GREM2: variants seen among roughly 807,000 people sequenced by gnomAD.
GREM2 encodes gremlin-2.
A neutral mutation model predicts 14.2 loss-of-function variants in GREM2; 11 were observed. That is an observed-to-expected ratio of 0.78 (90% confidence interval 0.49 to 1.28). The LOEUF (loss-of-function observed/expected upper bound fraction) is 1.28, where lower values mean the gene tolerates loss of function less well. Ranked by LOEUF, GREM2 falls within the 50% of genes most tolerant of loss-of-function variation. The pLI, the probability that GREM2 is intolerant of heterozygous loss-of-function variation, is 0.00. For synonymous variants in GREM2, 98 were observed against 97.6 expected (o/e 1.00, Z -0.02); for missense variants, 210 against 218.5 (o/e 0.96, Z 0.24).
chr1:240,545,030 C>T (rs1412802152), intron 1 of GREM2, among the ~76,000 whole-genome samples: 1 of 152,198 alleles, frequency 6.6e-6, no homozygotes, highest in Non-Finnish European at 1.5e-5. Context: ...AATCTTTGGG[C>T]TCCTCAAAAT....
chr1:240,591,027 T>A lies in GREM2; in HGVS notation c.-2+20857A>T, dbSNP rs141165336. On this transcript the variant is annotated intron_variant, in intron 1 of 1. Coordinates refer to ENST00000318160, the MANE Select transcript of GREM2 (RefSeq NM_022469.4). ...AAATGCCTGACCTCATGATCTGCCC[T>A]CCTTGGCCTCCCGAAGTGCTGGGAT... Among the ~76,000 whole-genome samples the A allele has an allele frequency of 4.5e-3, 665 of 149,358 alleles. 5 individuals are homozygous for A. Among genetic ancestry groups the A allele is most frequent in the African/African-American group, 0.016 (641 of 40,574 alleles).
chr1:240,550,368 A>G (rs1405257764), intron 1 of GREM2: 1 of 152,074 alleles, frequency 6.6e-6, no homozygotes, highest in Non-Finnish European at 1.5e-5. Context: ...GAAACCCCCA[A>G]TTAACTCAGG....
At chr1:240,571,487 A>C (rs1679260002) in intron 1 of GREM2, among the ~76,000 whole-genome samples, 1 of 152,130 alleles carries the variant, frequency 6.6e-6, no homozygotes, top group Admixed American at 6.5e-5. Flanking sequence ...TGAGGTCAGG[A>C]GTTCGAGACC....
Position 240,597,724 on chromosome 1 carries a change from G to T in GREM2, c.-2+14160C>A, listed in dbSNP as rs969607422. Among the ~76,000 whole-genome samples, 10 of 152,132 alleles carry T rather than the reference G, an allele frequency of 6.6e-5. 1 individual carries two copies. The South Asian group carries it at 2.1e-3, about 32-fold the overall frequency. ...ACAAATCAGAACTCTGATGAAATAGGACTAAAGTTCTAAGCGGATGGCTGA... is the reference window on the plus strand; with the variant it reads ...ACAAATCAGAACTCTGATGAAATAGTACTAAAGTTCTAAGCGGATGGCTGA... On this transcript the variant is annotated intron_variant, in intron 1 of 1. Coordinates refer to ENST00000318160, the MANE Select transcript of GREM2 (RefSeq NM_022469.4).
At chr1:240,551,630 TA>T (rs1467000898) in intron 1 of GREM2, among the ~76,000 whole-genome samples, 12 of 144,304 alleles carry the variant, frequency 8.3e-5, no homozygotes, top group African/African-American at 3.0e-4. Context: ...ATGCCTGGTC[TA>T]GTTTACTTTT....
At chr1:240,495,999 C>T (rs143958374) in intron 1 of GREM2, among the ~76,000 whole-genome samples, 8,813 of 151,784 alleles carry the variant, frequency 0.058, 605 homozygotes, top group African/African-American at 0.17. Context: ...TGCAGTGGCA[C>T]GATCTCAGCT....
At position 240,493,399 on chromosome 1, in the gene GREM2, G is replaced by A. The variant is rs771650196; in HGVS notation, c.77C>T (p.Pro26Leu). The change falls in exon 2 of 2, where the codon CCG (proline) becomes CTG (leucine). Residue 26 changes from proline (P) to leucine (L), a missense_variant. Physicochemically the swap from Pro to Leu is moderately conservative, Grantham distance 98. Coordinates refer to ENST00000318160, the MANE Select transcript of GREM2 (RefSeq NM_022469.4). ...VKVAEARKNR[P>L]AGAIPSPYKD... ...GTAAGGCGAGGGGATGGCGCCCGCCGGCCGGTTCTTCCGGGCTTCCGCCAC... is the reference window on the plus strand; with the variant it reads ...GTAAGGCGAGGGGATGGCGCCCGCCAGCCGGTTCTTCCGGGCTTCCGCCAC... 10 of 1,613,356 alleles carry A rather than the reference G, an allele frequency of 6.2e-6. No individual in the cohort carries two copies. In the East Asian group the frequency reaches 2.0e-4, roughly 32 times the overall value.
intron 1 of GREM2, among the ~76,000 whole-genome samples, chr1:240,506,061 G>A (rs949939272): frequency 2.6e-5 from 4 of 151,978 alleles, no homozygotes; most frequent in Admixed American, 1.3e-4. Flanking sequence ...AAGTGTGAGA[G>A]GTCATAGATT....
intron 1 of GREM2, among the ~76,000 whole-genome samples, chr1:240,586,555 T>G (rs975651764): frequency 6.6e-6 from 1 of 152,112 alleles, no homozygotes. Context: ...GATGCTGGTA[T>G]GTAAGGAAGG....
chr1:240,530,106 A>G (rs1355959302), intron 1 of GREM2, among the ~76,000 whole-genome samples: 1 of 152,136 alleles, frequency 6.6e-6, no homozygotes, highest in Non-Finnish European at 1.5e-5. Context: ...AACATTCCCT[A>G]AAACATCAGT....
intron 1 of GREM2, among the ~76,000 whole-genome samples, chr1:240,527,434 T>C (rs1572383183): frequency 6.6e-6 from 1 of 152,332 alleles, no homozygotes; most frequent in South Asian, 2.1e-4. Context: ...TCTTAGTGTG[T>C]ACTCAGATTT....
At chr1:240,513,640 C>T (rs1402095698) in intron 1 of GREM2, among the ~76,000 whole-genome samples, 2 of 149,956 alleles carry the variant, frequency 1.3e-5, no homozygotes, top group Non-Finnish European at 3.0e-5. Flanking sequence ...ACTTACAGTG[C>T]GAGGGGGCCA....
In GREM2 at chr1:240,604,618, A is replaced by AT. The variant is rs201380439; in HGVS notation, c.-2+7265dup. 1.6e-3 allele frequency among the ~76,000 whole-genome samples: 245 copies of AT among 151,738 alleles called. 1 individual carries two copies. The highest frequency in any genetic ancestry group is 5.1e-3 in the African/African-American group (212 of 41,398). ...ACAGGTAAGTGGAAGTCAAGAAGCA[A>AT]TTTTTTTTTCTATCAAATGTCACAG... On this transcript the variant is annotated intron_variant, in intron 1 of 1. Coordinates refer to ENST00000318160, the MANE Select transcript of GREM2 (RefSeq NM_022469.4).
At chr1:240,520,424 G>A (rs1395128910) in intron 1 of GREM2, among the ~76,000 whole-genome samples, 1 of 152,226 alleles carries the variant, frequency 6.6e-6, no homozygotes, top group Non-Finnish European at 1.5e-5. Context: ...CTTTGGGACA[G>A]TGTGAGTGGA....
intron 1 of GREM2, among the ~76,000 whole-genome samples, chr1:240,603,758 T>TA (rs1322736162): frequency 6.6e-6 from 1 of 152,044 alleles, no homozygotes; most frequent in Non-Finnish European, 1.5e-5. Context: ...TACATACATA[T>TA]ACATACACAC....
chr1:240,533,174 A>G (rs1046169855), intron 1 of GREM2, among the ~76,000 whole-genome samples: 1 of 152,230 alleles, frequency 6.6e-6, no homozygotes, highest in African/African-American at 2.4e-5. Flanking sequence ...ATCTGGGAGT[A>G]GAGACTGGGA....
chr1:240,529,060 C>T (rs779096355), intron 1 of GREM2, among the ~76,000 whole-genome samples: 5 of 152,100 alleles, frequency 3.3e-5, no homozygotes, highest in Admixed American at 1.3e-4. Flanking sequence ...GATGCTCACA[C>T]GAACCTTCTA....
At chr1:240,586,588 C>G (rs757668053) in intron 1 of GREM2, among the ~76,000 whole-genome samples, 2 of 152,050 alleles carry the variant, frequency 1.3e-5, no homozygotes, top group African/African-American at 4.8e-5. Context: ...GAAGAAGAGC[C>G]GAGGAGAGAC....
chr1:240,556,439 C>G (rs1018796575), intron 1 of GREM2, among the ~76,000 whole-genome samples: 2 of 152,156 alleles, frequency 1.3e-5, no homozygotes, highest in African/African-American at 4.8e-5. Flanking sequence ...ATTAGTCTTG[C>G]CCTTCAAGTA....
Sources: gnomAD v4.1 joint callset for allele counts (sites outside exome capture counted in the v4.1 genomes callset) on GRCh38, gnomAD v4.1.1 for gene constraint, MANE v1.5 for transcripts, NCBI Gene and HGNC (gene_info 2026-07-23, HGNC 2026-07-21) for gene names.